The following MAGI3 variants were observed in gnomAD, a reference collection of about 807,000 sequenced individuals.
The protein encoded by MAGI3 is membrane associated guanylate kinase, WW and PDZ domain containing 3.
A neutral mutation model predicts 121.8 loss-of-function variants in MAGI3; 43 were observed. That is an observed-to-expected ratio of 0.35 (90% CI 0.28 to 0.46). MAGI3 has a LOEUF of 0.46. MAGI3 is among the 20% of genes least tolerant of loss of function. MAGI3 has a pLI of 1.00. For missense variants in MAGI3, 1,547 were observed against 1,797.3 expected, an observed-to-expected ratio of 0.86 and a Z score of 2.52; for synonymous variants, 553 against 639.3, an observed-to-expected ratio of 0.86 and a Z score of 2.04.
At chr1:113,539,825 G>T (rs1179805302) in intron 1 of MAGI3, among the ~76,000 whole-genome samples, 4 of 141,562 alleles carry the variant, frequency 2.8e-5, no homozygotes, top group East Asian at 2.1e-4. Context: ...ATCTCATTCT[G>T]TTCCCCATGC....
intron 1 of MAGI3, among the ~76,000 whole-genome samples, chr1:113,470,847 G>C (rs1655506876): frequency 6.6e-6 from 1 of 152,158 alleles, no homozygotes; most frequent in African/African-American, 2.4e-5. Flanking sequence ...GCTCATTCAT[G>C]TTGTTTCAAA....
Position 113,503,219 on chromosome 1 carries a change from TAAAAAAAAAAAAAAAAAAAAAAAAAAAA to T in MAGI3, c.317-46285_317-46258del, listed in dbSNP as rs869272201. On this transcript the variant is annotated intron_variant, in intron 1 of 20. Transcript: ENST00000307546. ...TGTACCCTAAAACTTAGAGTATAAT[TAAAAAAAAAAAAAAAAAAAAAAAAAAAA>T]AAAAAAAAAAGATCACACCACTGCA... Among the ~76,000 whole-genome samples, 2 of 8,976 alleles carry T rather than the reference TAAAAAAAAAAAAAAAAAAAAAAAAAAAA, an allele frequency of 2.2e-4. 1 individual carries two copies. Among genetic ancestry groups the T allele is most frequent in the Non-Finnish European group, 3.1e-4 (2 of 6,366 alleles). The allele number at this position is 8,976 out of a possible 152,430, so 5.9% of individuals were successfully genotyped here.
In MAGI3 at chr1:113,639,187, G is replaced by A. The variant is rs540083130; in HGVS notation, c.1361-2724G>A. Among the ~76,000 whole-genome samples the A allele has an allele frequency of 4.6e-5, 7 of 152,288 alleles. No homozygotes were observed. The South Asian group carries it at 1.0e-3, about 23-fold the overall frequency. On this transcript the variant is annotated intron_variant, in intron 9 of 20. Coordinates refer to ENST00000307546, the MANE Select transcript of MAGI3 (RefSeq NM_001142782.2). ...AACTCCCTGACCCCTTGCACTTCCCGAGTGAGGCAATGCCTCGCCCTGCTT... is the reference window on the plus strand; with the variant it reads ...AACTCCCTGACCCCTTGCACTTCCCAAGTGAGGCAATGCCTCGCCCTGCTT...
At chr1:113,453,556 A>G (rs1256423359) in intron 1 of MAGI3, among the ~76,000 whole-genome samples, 1 of 152,222 alleles carries the variant, frequency 6.6e-6, no homozygotes, top group African/African-American at 2.4e-5. Flanking sequence ...GTGAGAATGA[A>G]CATAACTTGG....
chr1:113,391,208 G>C lies in MAGI3; in HGVS notation c.175G>C (p.Val59Leu). The change falls in exon 1 of 21, where the codon GTC becomes CTC. Residue 59 changes from valine (V) to leucine (L), a missense_variant. Transcript: ENST00000307546. The surrounding 1 kb of genome is among the most constrained non-coding windows in gnomAD (Gnocchi z 4.4). ...GGAGCCCGGCGGGGGCACCTGCTGC[G>C]TCGTCTCGGGCAAGGCGCCCAGCCC... The part of the protein sequence containing the change: ...REEPGGGTCC[V>L]VSGKAPSPGD... The C allele has an allele frequency of 6.4e-7, 1 of 1,553,868 alleles. No individual in the cohort carries two copies.
intron 1 of MAGI3, among the ~76,000 whole-genome samples, chr1:113,426,344 T>C (rs193254206): frequency 5.3e-5 from 8 of 152,312 alleles, no homozygotes; most frequent in Admixed American, 3.9e-4. Context: ...GGATTTTCCA[T>C]TGGTGCTTAA....
chr1:113,601,758 A>G (rs1030065314), intron 6 of MAGI3, among the ~76,000 whole-genome samples: 1 of 144,884 alleles, frequency 6.9e-6, no homozygotes, highest in Non-Finnish European at 1.5e-5. Flanking sequence ...TGCTGCTATA[A>G]AGACACATGC....
intron 20 of MAGI3, chr1:113,682,166 T>TTC (rs1648259316): frequency 6.4e-7 from 1 of 1,567,738 alleles, no homozygotes; most frequent in Non-Finnish European, 8.6e-7. Flanking sequence ...ACTGATTTTT[T>TTC]TTTTTTTTTT....
chr1:113,465,747 T>A (rs1340723332), intron 1 of MAGI3, among the ~76,000 whole-genome samples: 1 of 152,202 alleles, frequency 6.6e-6, no homozygotes, highest in Non-Finnish European at 1.5e-5. Context: ...GGATTTTATA[T>A]TCATTGTAGC....
intron 6 of MAGI3, among the ~76,000 whole-genome samples, chr1:113,611,783 A>G (rs1650152826): frequency 1.3e-5 from 2 of 152,246 alleles, no homozygotes; most frequent in South Asian, 4.2e-4. Flanking sequence ...AGAATGTTGG[A>G]ATTTTGTGCT....
At chr1:113,649,381 G>T in intron 13 of MAGI3, 53 bp downstream of exon 13, 3 of 1,256,600 alleles carry the variant, frequency 2.4e-6, no homozygotes, top group Non-Finnish European at 2.2e-6. Flanking sequence ...CGTTTTGAGT[G>T]GTGATTTGGT....
intron 19 of MAGI3, among the ~76,000 whole-genome samples, chr1:113,677,727 C>T (rs1571039561): frequency 6.6e-6 from 1 of 152,010 alleles, no homozygotes; most frequent in East Asian, 1.9e-4. Flanking sequence ...TCTTTTGGTT[C>T]TCCTATTTTT....
At chr1:113,623,310 TTTTA>T (rs918581666) in intron 9 of MAGI3, among the ~76,000 whole-genome samples, 6 of 152,006 alleles carry the variant, frequency 3.9e-5, no homozygotes, top group African/African-American at 1.2e-4. Context: ...GTTTATACTC[TTTTA>T]GTTATAAAAT....
At chr1:113,615,276 C>G (rs1570944333) in intron 7 of MAGI3, among the ~76,000 whole-genome samples, 1 of 152,130 alleles carries the variant, frequency 6.6e-6, no homozygotes, top group Admixed American at 6.5e-5. Flanking sequence ...CTTCTCTTTT[C>G]TTTATCTAAT....
In MAGI3 at chr1:113,424,259, C is replaced by T. The variant is rs537045677; in HGVS notation, c.316+32910C>T. On this transcript the variant is annotated intron_variant, in intron 1 of 20. Coordinates refer to ENST00000307546, the MANE Select transcript of MAGI3 (RefSeq NM_001142782.2). ...CTCGCAGTGACCACTCCACATGGGC[C>T]GCCACTGACATCATATGTATATTTA... Among the ~76,000 whole-genome samples the T allele has an allele frequency of 2.9e-4, 44 of 149,794 alleles. 1 individual carries two copies. The highest frequency in any genetic ancestry group is 2.2e-3 in the Admixed American group (33 of 15,022).
intron 5 of MAGI3, among the ~76,000 whole-genome samples, chr1:113,592,886 C>A (rs1253383538): frequency 6.6e-6 from 1 of 152,072 alleles, no homozygotes; most frequent in Non-Finnish European, 1.5e-5. Flanking sequence ...GTGGCGGGCG[C>A]CTGTAGTCCC....
chr1:113,572,856 A>AT (rs1647385469), intron 2 of MAGI3, among the ~76,000 whole-genome samples: 1 of 150,332 alleles, frequency 6.7e-6, no homozygotes, highest in African/African-American at 2.4e-5. Flanking sequence ...GGATTCATTG[A>AT]TTTTTTGGAG....
At chr1:113,413,181 T>C (rs958000145) in intron 1 of MAGI3, among the ~76,000 whole-genome samples, 2 of 152,136 alleles carry the variant, frequency 1.3e-5, no homozygotes, top group Non-Finnish European at 2.9e-5. Context: ...AAAAATCAGA[T>C]GGTTGTGGAT....
intron 1 of MAGI3, among the ~76,000 whole-genome samples, chr1:113,483,111 A>T (rs1050093472): frequency 6.6e-6 from 1 of 152,184 alleles, no homozygotes; most frequent in African/African-American, 2.4e-5. Context: ...ACCCATGCAG[A>T]TCCTTTTCTT....
Sources: allele counts gnomAD v4.1 joint callset (sites outside exome capture counted in the v4.1 genomes callset), GRCh38; gene constraint gnomAD v4.1.1; non-coding constraint Gnocchi (gnomAD v3.1); transcripts MANE v1.5; gene names NCBI Gene and HGNC (gene_info 2026-07-23, HGNC 2026-07-21).